SCAF11: variants seen among roughly 807,000 people sequenced by gnomAD.
The protein encoded by SCAF11 is SR-related CTD associated factor 11, also known as protein SCAF11.
In SCAF11, 47 loss-of-function variants were observed where a neutral mutation model predicts 140.5. The observed-to-expected ratio is 0.33, with a 90% CI of 0.26 to 0.43. The LOEUF (loss-of-function observed/expected upper bound fraction) is 0.43. Among genes scored for constraint, SCAF11 ranks in the 20% least tolerant of loss-of-function variants. The pLI is 1.00. For synonymous variants in SCAF11, 557 were observed against 579.4 expected (o/e 0.96, Z 0.55); for missense variants, 1,645 against 1,705.1 (o/e 0.96, Z 0.62).
chr12:45,942,229 A>G (rs1445714506), intron 6 of SCAF11, among the ~76,000 whole-genome samples: 1 of 152,198 alleles, frequency 6.6e-6, no homozygotes, highest in East Asian at 1.9e-4. Flanking sequence ...GTGCAGGGGT[A>G]CCCCTAACTC....
chr12:45,952,184 G>T (rs1003813144), intron 3 of SCAF11, among the ~76,000 whole-genome samples: 3 of 152,070 alleles, frequency 2.0e-5, no homozygotes, highest in Non-Finnish European at 4.4e-5. Context: ...TGAAAGATAT[G>T]AAGAAAATGA....
Position 45,928,860 on chromosome 12 carries a change from CTAA to C in SCAF11, c.842-4_842-2del, listed in dbSNP as rs1450684501. The C allele has an allele frequency of 2.7e-5, 38 of 1,424,934 alleles. No homozygotes were observed. The highest frequency in any genetic ancestry group is 3.3e-5 in the Non-Finnish European group (36 of 1,081,636). The allele number at this position is 1,424,934 out of a possible 1,614,324, so 88.3% of individuals were successfully genotyped here. A position where few individuals can be genotyped will look rare whatever the true frequency, so the allele number is the denominator to read the frequency against. ...AATGCATATCCCTTGCAAGAAGTAC[CTAA>C]TAATATTTAAAAAAAAAAAAAAAGT... On this transcript the variant is annotated splice_acceptor_variant and splice_polypyrimidine_tract_variant and intron_variant, in intron 10 of 14. Coordinates refer to ENST00000369367, the MANE Select transcript of SCAF11 (RefSeq NM_004719.3). LOFTEE classifies it high-confidence loss of function.
In SCAF11 at chr12:45,926,822, T is replaced by C; in HGVS notation, c.2879A>G (p.Asp960Gly). Residue 960 changes from aspartate to glycine, a missense_variant, in exon 11 of 15, where the codon GAT (aspartate) becomes GGT (glycine). Physicochemically the swap from Asp to Gly is moderately conservative, Grantham distance 94 (BLOSUM62 -1). Around this residue, in one of 2 missense-constraint regions of SCAF11, gnomAD observed 1,582 missense variants for 1,609.2 expected, o/e 0.98. Coordinates refer to ENST00000369367, the MANE Select transcript of SCAF11 (RefSeq NM_004719.3). ...KSSSFGRIDR[D>G]SYSPRWKGRW... ...TCCCTTCCACCGGGGAGAGTAACTA[T>C]CTCTGTCAATTCTACCAAATGATGA... 6.2e-7 allele frequency: 1 copy of C among 1,614,186 alleles called. No individual in the cohort carries two copies.
intron 1 of SCAF11, among the ~76,000 whole-genome samples, chr12:45,984,356 T>C (rs922053260): frequency 6.6e-6 from 1 of 152,200 alleles, no homozygotes; most frequent in African/African-American, 2.4e-5. Flanking sequence ...GATATTTCCT[T>C]ATGGTTAGAT....
intron 12 of SCAF11, among the ~76,000 whole-genome samples, chr12:45,924,418 A>T (rs1592161982): frequency 6.6e-6 from 1 of 152,120 alleles, no homozygotes. Flanking sequence ...AATGTAAAGC[A>T]CCCACCACTC....
Position 45,922,085 on chromosome 12 carries a change from A to G in SCAF11, c.4355T>C (p.Leu1452Pro). The change falls in exon 15 of 15, where the codon CTG (leucine) becomes CCG (proline). Residue 1452 changes from leucine to proline, a missense_variant. Leu to Pro is a moderately conservative substitution (Grantham distance 98). Transcript: ENST00000369367. ...TTTTTCAGTAGACACAGGTTCTTCC[A>G]GAGTTTTCTTTTGGCTCCCCTTCCG... ...YSRKGSQKKT[L>P]EEPVSTEKNI... 1 of 1,613,584 alleles carries G rather than the reference A, an allele frequency of 6.2e-7. No homozygotes were observed. The highest frequency in any genetic ancestry group is 1.3e-5 in the African/African-American group (1 of 74,976).
At chr12:45,933,635 T>C (rs1241057108) in intron 8 of SCAF11, among the ~76,000 whole-genome samples, 1 of 152,128 alleles carries the variant, frequency 6.6e-6, no homozygotes. Context: ...AAAATGGGTA[T>C]AGTTCAGCTT....
intron 1 of SCAF11, among the ~76,000 whole-genome samples, chr12:45,976,490 T>C (rs77406962): frequency 0.021 from 3,267 of 152,252 alleles, 125 homozygotes; most frequent in African/African-American, 0.074. Context: ...AGTTTGGTAC[T>C]ATCTGTAGTT....
intron 3 of SCAF11, among the ~76,000 whole-genome samples, chr12:45,954,569 CTTTTTT>C (rs36060348): frequency 1.5e-5 from 2 of 129,150 alleles, no homozygotes; most frequent in Non-Finnish European, 3.3e-5. Context: ...TAAGCTGTTA[CTTTTTT>C]TTTTTTTTTT....
intron 4 of SCAF11, among the ~76,000 whole-genome samples, chr12:45,949,805 C>T (rs1945509389): frequency 6.6e-6 from 1 of 152,098 alleles, no homozygotes; most frequent in Non-Finnish European, 1.5e-5. Flanking sequence ...ACAGGTCTGG[C>T]TCTCAGTAAA....
At position 45,965,305 on chromosome 12, in the gene SCAF11, G is replaced by A. The variant is rs1298420465; in HGVS notation, c.-21-1117C>T. On this transcript the variant is annotated intron_variant, in intron 1 of 14. Coordinates refer to ENST00000369367, the MANE Select transcript of SCAF11 (RefSeq NM_004719.3). ...GCTGTGAAGTATATTTGAAAAGCAC[G>A]GAATTAAAAGGCTGCAGAAATTCTG... Among the ~76,000 whole-genome samples the A allele has an allele frequency of 5.3e-5, 8 of 152,110 alleles. No individual in the cohort carries two copies. The South Asian group carries it at 1.7e-3, about 31-fold the overall frequency.
rs115936842 is a variant in SCAF11, at chr12:45,953,641, A to G, written c.220-1914T>C. On this transcript the variant is annotated intron_variant, in intron 3 of 14. Transcript: ENST00000369367. ...TTTTTTATTCCTATTTTAAAGGTAAATTTAGAGAAACATTAAAAAAAGGTT... is the reference window on the plus strand; with the variant it reads ...TTTTTTATTCCTATTTTAAAGGTAAGTTTAGAGAAACATTAAAAAAAGGTT... Among the ~76,000 whole-genome samples the G allele has an allele frequency of 4.6e-3, 696 of 152,306 alleles. 1 individual carries two copies. The highest frequency in any genetic ancestry group is 0.016 in the African/African-American group (657 of 41,576).
chr12:45,928,692 T>C lies in SCAF11; in HGVS notation c.1009A>G (p.Arg337Gly). 1 of 1,614,128 alleles carries C rather than the reference T, an allele frequency of 6.2e-7. No individual in the cohort carries two copies. The highest frequency in any genetic ancestry group is 8.5e-7 in the Non-Finnish European group (1 of 1,179,996). ...TRAETASQSQRSPISDNSGCD... is the reference protein window; with the variant it reads ...TRAETASQSQGSPISDNSGCD... ...CCAGAATTGTCTGATATTGGGGATCTCTGAGACTGACTGGCTGTTTCAGCT... is the reference window on the plus strand; with the variant it reads ...CCAGAATTGTCTGATATTGGGGATCCCTGAGACTGACTGGCTGTTTCAGCT... The change falls in exon 11 of 15, where the codon AGA becomes GGA. Residue 337 changes from arginine to glycine, a missense_variant. Coordinates refer to ENST00000369367, the MANE Select transcript of SCAF11 (RefSeq NM_004719.3).
intron 1 of SCAF11, among the ~76,000 whole-genome samples, chr12:45,981,741 A>G (rs558230964): frequency 3.7e-4 from 56 of 152,198 alleles, no homozygotes; most frequent in African/African-American, 1.3e-3. Flanking sequence ...GTTGCAGGGA[A>G]CTATGGCCAT....
chr12:45,934,503 T>C lies in SCAF11; in HGVS notation c.466A>G (p.Asn156Asp). ...CCTCCTGTTTCACTGTATAAAGAGTTTCCTGTACAAAGACATAAAAGGACT... is the reference window on the plus strand; with the variant it reads ...CCTCCTGTTTCACTGTATAAAGAGTCTCCTGTACAAAGACATAAAAGGACT... ...KVCDLKWIHR[N>D]SLYSETGGKK... Residue 156 changes from asparagine (N) to aspartate (D), a missense_variant and splice_region_variant, in exon 7 of 15, where the codon AAC (asparagine) becomes GAC (aspartate). By Grantham distance (23) the Asn-to-Asp change is conservative. Around this residue, in one of 2 missense-constraint regions of SCAF11, gnomAD observed 1,582 missense variants for 1,609.2 expected, o/e 0.98. Coordinates refer to ENST00000369367, the MANE Select transcript of SCAF11 (RefSeq NM_004719.3). The C allele has an allele frequency of 6.3e-7, 1 of 1,578,982 alleles. No individual in the cohort carries two copies. Among genetic ancestry groups the C allele is most frequent in the Admixed American group, 1.9e-5 (1 of 51,610 alleles).
chr12:45,990,012 C>T (rs1211794407), intron 1 of SCAF11, among the ~76,000 whole-genome samples: 3 of 150,970 alleles, frequency 2.0e-5, no homozygotes, highest in African/African-American at 4.9e-5. Flanking sequence ...CGGACGGGGA[C>T]AGGCTTCGCC....
At chr12:45,969,737 T>C (rs1323657036) in intron 1 of SCAF11, among the ~76,000 whole-genome samples, 1 of 151,922 alleles carries the variant, frequency 6.6e-6, no homozygotes, top group Non-Finnish European at 1.5e-5. Context: ...AGAGTGTGAG[T>C]GTGTGTGTTT....
chr12:45,933,277 G>T (rs1340912384), intron 8 of SCAF11, 45 bp from the exon 9 acceptor site: 2 of 1,403,848 alleles, frequency 1.4e-6, no homozygotes, highest in East Asian at 2.3e-5. Flanking sequence ...CACAATTTTA[G>T]GTTCAAAAAA....
chr12:45,963,356 G>C (rs141804184), intron 2 of SCAF11, among the ~76,000 whole-genome samples: 100 of 151,796 alleles, frequency 6.6e-4, no homozygotes, highest in African/African-American at 2.4e-3. Flanking sequence ...CAGAAAATTG[G>C]AAAAGACAGA....
Sources: allele counts gnomAD v4.1 joint callset (sites outside exome capture counted in the v4.1 genomes callset), GRCh38; gene constraint gnomAD v4.1.1; regional missense constraint gnomAD v4.1.1; transcripts MANE v1.5; gene names NCBI Gene and HGNC (gene_info 2026-07-23, HGNC 2026-07-21).